The following LRRC4C variants were observed in gnomAD, a reference collection of about 807,000 sequenced individuals.
LRRC4C encodes leucine rich repeat containing 4C, also known as leucine-rich repeat-containing protein 4C.
A neutral mutation model predicts 33.6 loss-of-function variants in LRRC4C; 5 were observed. The observed-to-expected ratio is 0.15, with a 90% CI of 0.08 to 0.31. The LOEUF is 0.31. Among genes scored for constraint, LRRC4C ranks in the 10% least tolerant of loss-of-function variants. LRRC4C has a pLI of 1.00. For synonymous variants in LRRC4C, 329 were observed against 302.0 expected (o/e 1.09, Z -0.93); for missense variants, 560 against 796.7 (o/e 0.70, Z 3.58).
At chr11:40,428,496 G>T (rs11821459) in intron 3 of LRRC4C, among the ~76,000 whole-genome samples, 3,910 of 152,238 alleles carry the variant, frequency 0.026, 159 homozygotes, top group African/African-American at 0.089. Context: ...TTCCCATCTA[G>T]CTGGAAGTCA....
chr11:40,544,332 C>T (rs1209869360), intron 3 of LRRC4C, among the ~76,000 whole-genome samples: 1 of 151,944 alleles, frequency 6.6e-6, no homozygotes, highest in Non-Finnish European at 1.5e-5. Flanking sequence ...ATTTAAGAAG[C>T]GAAACTCCAA....
intron 2 of LRRC4C, among the ~76,000 whole-genome samples, chr11:40,752,722 A>T (rs1387942480): frequency 1.3e-5 from 2 of 152,120 alleles, no homozygotes; most frequent in East Asian, 3.8e-4. Flanking sequence ...GAGATTTCAC[A>T]AAAAACTAAA....
At chr11:40,478,135 A>G (rs1495307) in intron 3 of LRRC4C, among the ~76,000 whole-genome samples, 75,668 of 151,956 alleles carry the variant, frequency 0.5, 19,107 homozygotes, top group East Asian at 0.73. Context: ...AAATTTCCCA[A>G]TCTTGGTAAT....
At chr11:40,386,332 A>G (rs1949110286) in intron 3 of LRRC4C, among the ~76,000 whole-genome samples, 1 of 152,164 alleles carries the variant, frequency 6.6e-6, no homozygotes, top group Non-Finnish European at 1.5e-5. Context: ...GACCTTAAGA[A>G]TCAAACCAAA....
intron 2 of LRRC4C, among the ~76,000 whole-genome samples, chr11:40,861,440 T>A (rs774600278): frequency 9.9e-5 from 15 of 152,272 alleles, no homozygotes; most frequent in Non-Finnish European, 1.8e-4. Context: ...TATGTGAAAC[T>A]CCAATGTTCA....
At chr11:41,319,482 A>G (rs1300550229) in intron 1 of LRRC4C, among the ~76,000 whole-genome samples, 1 of 152,204 alleles carries the variant, frequency 6.6e-6, no homozygotes, top group Non-Finnish European at 1.5e-5. Flanking sequence ...TCAAGAAGCC[A>G]AATTAATTAA....
At chr11:41,287,411 G>A (rs1565549506) in intron 1 of LRRC4C, among the ~76,000 whole-genome samples, 1 of 152,086 alleles carries the variant, frequency 6.6e-6, no homozygotes. Flanking sequence ...TATTAGGTTG[G>A]TGCAAAAGTA....
chr11:41,126,257 T>TA (rs551861646), intron 1 of LRRC4C, among the ~76,000 whole-genome samples: 12 of 151,676 alleles, frequency 7.9e-5, no homozygotes, highest in East Asian at 3.9e-4. Context: ...ATTTTTTTAA[T>TA]AAAAAAAATA....
At chr11:41,202,941 A>G (rs888637602) in intron 1 of LRRC4C, among the ~76,000 whole-genome samples, 2 of 152,128 alleles carry the variant, frequency 1.3e-5, no homozygotes, top group Non-Finnish European at 2.9e-5. Context: ...ATGTGCCACC[A>G]TATCCAGCTA....
intron 3 of LRRC4C, among the ~76,000 whole-genome samples, chr11:40,402,313 C>T (rs201972278): frequency 2.6e-5 from 4 of 152,000 alleles, no homozygotes; most frequent in African/African-American, 7.2e-5. Context: ...TTAATCAGTT[C>T]GTGTTTTTGT....
At chr11:40,613,022 A>C (rs923888893) in intron 3 of LRRC4C, among the ~76,000 whole-genome samples, 1 of 151,964 alleles carries the variant, frequency 6.6e-6, no homozygotes, top group Non-Finnish European at 1.5e-5. Flanking sequence ...CAAGCATCTG[A>C]GTCTCCAGCA....
At chr11:40,907,198 A>T (rs1565189902) in intron 2 of LRRC4C, among the ~76,000 whole-genome samples, 4 of 152,240 alleles carry the variant, frequency 2.6e-5, no homozygotes, top group African/African-American at 4.8e-5. Context: ...AGAGACTGAG[A>T]TGTAGAATGT....
intron 1 of LRRC4C, among the ~76,000 whole-genome samples, chr11:41,067,327 A>G (rs1262878747): frequency 6.6e-6 from 1 of 152,156 alleles, no homozygotes; most frequent in Non-Finnish European, 1.5e-5. Context: ...AGAAGGGTAT[A>G]ATGTAATGGT....
chr11:40,707,340 T>C (rs1303596320), intron 2 of LRRC4C, among the ~76,000 whole-genome samples: 2 of 152,184 alleles, frequency 1.3e-5, no homozygotes, highest in African/African-American at 4.8e-5. Context: ...TGATACTGGC[T>C]GTGGTTTGTC....
intron 1 of LRRC4C, among the ~76,000 whole-genome samples, chr11:41,363,850 GACTA>G (rs1421395695): frequency 9.9e-5 from 15 of 152,074 alleles, no homozygotes; most frequent in African/African-American, 3.4e-4. Flanking sequence ...CCTGCTTTCT[GACTA>G]ACAGAAGTTT....
intron 3 of LRRC4C, among the ~76,000 whole-genome samples, chr11:40,475,945 GACTCAATAATTTTTTGCTGTTGGGGGCT>G (rs1056006166): frequency 1.3e-5 from 2 of 152,092 alleles, no homozygotes; most frequent in Admixed American, 6.6e-5. Context: ...TGACATGTGA[GACTCAATAATTTTTTGCTGTTGGGGGCT>G]GCGCTGTGCA....
chr11:41,411,210 G>T (rs534514292), intron 1 of LRRC4C, among the ~76,000 whole-genome samples: 1 of 130,550 alleles, frequency 7.7e-6, no homozygotes, highest in Admixed American at 8.7e-5. Flanking sequence ...GTGCAGTGGC[G>T]CCATCTCGGC....
chr11:41,208,981 G>A (rs1946710045), intron 1 of LRRC4C, among the ~76,000 whole-genome samples: 1 of 151,894 alleles, frequency 6.6e-6, no homozygotes, highest in South Asian at 2.1e-4. Flanking sequence ...AGAGAGGCCA[G>A]CCAGAGAGGA....
chr11:40,480,608 C>T (rs937800058), intron 3 of LRRC4C, among the ~76,000 whole-genome samples: 3 of 151,850 alleles, frequency 2.0e-5, no homozygotes, highest in Non-Finnish European at 4.4e-5. Flanking sequence ...TGCACATGTA[C>T]TCCTGAACCT....
Sources: gnomAD v4.1 joint callset for allele counts (sites outside exome capture counted in the v4.1 genomes callset) on GRCh38, gnomAD v4.1.1 for gene constraint, MANE v1.5 for transcripts, NCBI Gene and HGNC (gene_info 2026-07-23, HGNC 2026-07-21) for gene names.